Variants in SNTG1 observed in about 807,000 individuals in gnomAD.
SNTG1 encodes the protein gamma-1-syntrophin.
SNTG1 carries 39 observed loss-of-function variants against 74.7 expected under a neutral mutation model. The ratio of observed to expected loss-of-function variants is 0.52; its 90% CI spans 0.40 to 0.68. SNTG1 has a LOEUF of 0.68. Among genes scored for constraint, SNTG1 ranks in the 30% least tolerant of loss-of-function variants. The pLI, the probability that SNTG1 is intolerant of heterozygous loss-of-function variation, is 0.00. For missense variants in SNTG1, 685 were observed against 609.5 expected, an observed-to-expected ratio of 1.12 and a Z score of -1.30; for synonymous variants, 254 against 217.1, an observed-to-expected ratio of 1.17 and a Z score of -1.49.
intron 2 of SNTG1, among the ~76,000 whole-genome samples, chr8:50,280,985 C>CAAAAAAAAAAAAAA (rs35973666): frequency 1.3e-5 from 1 of 75,460 alleles, no homozygotes; most frequent in African/African-American, 5.0e-5. Flanking sequence ...AACCCAGTCT[C>CAAAAAAAAAAAAAA]AAAAAAAAAA....
intron 2 of SNTG1, among the ~76,000 whole-genome samples, chr8:50,216,653 T>C (rs1301972761): frequency 6.6e-6 from 1 of 152,162 alleles, no homozygotes; most frequent in Non-Finnish European, 1.5e-5. Flanking sequence ...TAGAATATGG[T>C]AATTACAACT....
At chr8:50,474,464 A>G (rs372850647) in intron 8 of SNTG1, among the ~76,000 whole-genome samples, 3 of 152,152 alleles carry the variant, frequency 2.0e-5, no homozygotes, top group African/African-American at 4.8e-5. Flanking sequence ...CAGCCAAAAG[A>G]CACATGAAAA....
intron 1 of SNTG1, among the ~76,000 whole-genome samples, chr8:50,031,776 T>C (rs1368822609): frequency 6.6e-6 from 1 of 152,112 alleles, no homozygotes; most frequent in East Asian, 1.9e-4. Context: ...AATAATATTG[T>C]CCGAAGTTTG....
chr8:50,597,320 TATATATACACATATATATAC>T (rs1359614741), intron 13 of SNTG1, among the ~76,000 whole-genome samples: 3 of 149,414 alleles, frequency 2.0e-5, no homozygotes, highest in East Asian at 3.9e-4. Flanking sequence ...TATATACACG[TATATATACACATATATATAC>T]ATATATACAC....
chr8:50,312,846 T>A (rs1408539681), intron 2 of SNTG1, among the ~76,000 whole-genome samples: 2 of 150,074 alleles, frequency 1.3e-5, no homozygotes, highest in Non-Finnish European at 2.9e-5. Context: ...TATAATAAAA[T>A]ATAACTATCT....
intron 2 of SNTG1, among the ~76,000 whole-genome samples, chr8:50,264,813 C>T (rs1288141823): frequency 6.6e-6 from 1 of 151,894 alleles, no homozygotes; most frequent in Non-Finnish European, 1.5e-5. Context: ...CATTACTGAG[C>T]TTGCAGAATT....
intron 13 of SNTG1, among the ~76,000 whole-genome samples, chr8:50,630,326 T>C (rs1434412384): frequency 6.6e-6 from 1 of 152,104 alleles, no homozygotes; most frequent in African/African-American, 2.4e-5. Flanking sequence ...TTTAAGAAAA[T>C]AGAATGCAGC....
chr8:50,700,922 T>C (rs550764753), intron 15 of SNTG1, among the ~76,000 whole-genome samples: 3 of 152,264 alleles, frequency 2.0e-5, no homozygotes, highest in African/African-American at 7.2e-5. Flanking sequence ...CAGAGTTGAT[T>C]AGAGGATGCT....
In SNTG1 at chr8:50,438,523, T is replaced by C. The variant is rs375481974; in HGVS notation, c.163-20T>C. On this transcript the variant is annotated intron_variant, in intron 4 of 18. Transcript: ENST00000642720. Reference sequence around the variant, plus strand: ...TAGTATTAGGAAACACTAACCATTCTTAAAAATCCTGTCTTTCAGGAAAGA... The same window carrying C: ...TAGTATTAGGAAACACTAACCATTCCTAAAAATCCTGTCTTTCAGGAAAGA... 6.2e-6 allele frequency: 10 copies of C among 1,610,142 alleles called. No homozygotes were observed. Among genetic ancestry groups the C allele is most frequent in the East Asian group, 4.5e-5 (2 of 44,732 alleles).
chr8:50,357,968 C>A (rs1319462270), intron 2 of SNTG1, among the ~76,000 whole-genome samples: 1 of 151,250 alleles, frequency 6.6e-6, no homozygotes, highest in Non-Finnish European at 1.5e-5. Context: ...TTTGTTTTCC[C>A]TTTTTGTGTT....
At chr8:50,755,439 A>C (rs1426770839) in intron 18 of SNTG1, among the ~76,000 whole-genome samples, 1 of 151,764 alleles carries the variant, frequency 6.6e-6, no homozygotes, top group African/African-American at 2.4e-5. Flanking sequence ...TTAATAACTC[A>C]TTTCTTTTTA....
chr8:50,278,756 C>T (rs1177169472), intron 2 of SNTG1, among the ~76,000 whole-genome samples: 1 of 151,942 alleles, frequency 6.6e-6, no homozygotes, highest in African/African-American at 2.4e-5. Context: ...AGTACAGTTA[C>T]ATATCTAAAG....
chr8:50,526,116 C>T (rs921815446), intron 9 of SNTG1, among the ~76,000 whole-genome samples: 4 of 152,046 alleles, frequency 2.6e-5, no homozygotes, highest in African/African-American at 9.7e-5. Flanking sequence ...TTACTATTTC[C>T]TCTGCTGGTC....
intron 2 of SNTG1, among the ~76,000 whole-genome samples, chr8:50,348,887 G>T (rs2091562698): frequency 6.6e-6 from 1 of 152,140 alleles, no homozygotes; most frequent in African/African-American, 2.4e-5. Context: ...CTGCTGGGCT[G>T]GGACTTTGTA....
intron 2 of SNTG1, among the ~76,000 whole-genome samples, chr8:50,270,947 A>C (rs1261008648): frequency 6.6e-6 from 1 of 152,186 alleles, no homozygotes; most frequent in East Asian, 1.9e-4. Context: ...GAAGACGATA[A>C]AAGTTACTCT....
intron 11 of SNTG1, among the ~76,000 whole-genome samples, chr8:50,550,376 T>C (rs546829651): frequency 6.6e-6 from 1 of 152,122 alleles, no homozygotes; most frequent in African/African-American, 2.4e-5. Context: ...TGGGGTAAAA[T>C]CAACAATGAA....
chr8:49,913,488 T>C (rs1805755832), intron 1 of SNTG1, among the ~76,000 whole-genome samples: 3 of 152,162 alleles, frequency 2.0e-5, no homozygotes, highest in Admixed American at 1.3e-4. Flanking sequence ...GTGTAGCAAT[T>C]ACTCTGAGGA....
chr8:50,609,253 C>A (rs917288375), intron 13 of SNTG1, among the ~76,000 whole-genome samples: 2 of 151,994 alleles, frequency 1.3e-5, no homozygotes, highest in African/African-American at 4.8e-5. Context: ...AATTCTCTCA[C>A]TTCTTGTTTA....
intron 1 of SNTG1, among the ~76,000 whole-genome samples, chr8:49,945,846 G>C (rs1809134572): frequency 1.3e-5 from 2 of 152,108 alleles, no homozygotes; most frequent in Admixed American, 1.3e-4. Flanking sequence ...GTGCACAGTG[G>C]GACCAAGAAC....
Sources: gnomAD v4.1 joint callset for allele counts (sites outside exome capture counted in the v4.1 genomes callset) on GRCh38, gnomAD v4.1.1 for gene constraint, MANE v1.5 for transcripts, NCBI Gene and HGNC (gene_info 2026-07-23, HGNC 2026-07-21) for gene names.